ARHGAP15: variants seen among roughly 807,000 people sequenced by gnomAD.
ARHGAP15 encodes the protein Rho GTPase activating protein 15, also known as rho GTPase-activating protein 15.
In ARHGAP15, 51 loss-of-function variants were observed where a neutral mutation model predicts 63.7. That is an observed-to-expected ratio of 0.80 (90% CI 0.64 to 1.01). The LOEUF is 1.01. Ranked by LOEUF, ARHGAP15 falls within the 50% of genes least tolerant of loss-of-function variation. The pLI is 0.00. For synonymous variants in ARHGAP15, 191 were observed against 193.8 expected, an observed-to-expected ratio of 0.99 and a Z score of 0.12; for missense variants, 560 against 564.6, an observed-to-expected ratio of 0.99 and a Z score of 0.08.
chr2:143,664,837 G>A (rs1253511355), intron 12 of ARHGAP15, among the ~76,000 whole-genome samples: 9 of 152,130 alleles, frequency 5.9e-5, no homozygotes, highest in Admixed American at 1.3e-4. Context: ...TAAATTCCTC[G>A]ACACATACAC....
chr2:143,327,231 C>G (rs1224832973), intron 6 of ARHGAP15, among the ~76,000 whole-genome samples: 1 of 152,084 alleles, frequency 6.6e-6, no homozygotes, highest in Non-Finnish European at 1.5e-5. Flanking sequence ...TCAAGGAGAA[C>G]TATAAACCAC....
chr2:143,468,131 A>G (rs915101089), intron 8 of ARHGAP15, among the ~76,000 whole-genome samples: 1 of 151,872 alleles, frequency 6.6e-6, no homozygotes, highest in African/African-American at 2.4e-5. Flanking sequence ...TTTATATTTT[A>G]AGTACTTGTA....
chr2:143,671,118 T>G (rs1434330610), intron 12 of ARHGAP15, among the ~76,000 whole-genome samples: 2 of 152,200 alleles, frequency 1.3e-5, no homozygotes, highest in African/African-American at 2.4e-5. Flanking sequence ...TGAACAACAA[T>G]TGAACATTAG....
Position 143,423,343 on chromosome 2 carries a change from G to A in ARHGAP15, c.475-12258G>A, listed in dbSNP as rs1340305543. On this transcript the variant is annotated intron_variant, in intron 6 of 13. Transcript: ENST00000295095. Reference sequence around the variant, plus strand: ...TTTACTAGTATACCAAATAAAATCTGTTTTCTACATTTCATAAGCCTTTCA... The same window carrying A: ...TTTACTAGTATACCAAATAAAATCTATTTTCTACATTTCATAAGCCTTTCA... Among the ~76,000 whole-genome samples the A allele has an allele frequency of 8.4e-5, 4 of 47,828 alleles. 1 individual carries two copies. The highest frequency in any genetic ancestry group is 2.0e-3 in the South Asian group (2 of 1,018). 31.4% of individuals were successfully genotyped at this position (47,828 alleles called of 152,430 possible). A position where few individuals can be genotyped will look rare whatever the true frequency, so the allele number is the denominator to read the frequency against.
At chr2:143,228,472 T>C (rs1693306134) in intron 4 of ARHGAP15, 109 bp from the exon 5 acceptor site, 1 of 577,028 alleles carries the variant, frequency 1.7e-6, no homozygotes, top group African/African-American at 1.9e-5. Context: ...AGCAAGACTG[T>C]TAAAAATAAA....
chr2:143,700,711 C>T (rs754064895), intron 12 of ARHGAP15, among the ~76,000 whole-genome samples: 13 of 152,072 alleles, frequency 8.5e-5, no homozygotes, highest in South Asian at 2.1e-4. Flanking sequence ...TGTATACACA[C>T]GCATATATAC....
chr2:143,442,607 A>T (rs76821174), intron 8 of ARHGAP15, among the ~76,000 whole-genome samples: 3,454 of 152,274 alleles, frequency 0.023, 56 homozygotes, highest in Non-Finnish European at 0.038. Flanking sequence ...CAGCTTTTGT[A>T]GCATTAATGG....
At chr2:143,241,796 T>G (rs1175831294) in intron 5 of ARHGAP15, among the ~76,000 whole-genome samples, 1 of 152,090 alleles carries the variant, frequency 6.6e-6, no homozygotes, top group African/African-American at 2.4e-5. Flanking sequence ...GAGCCTGACT[T>G]TATCTGGGAG....
rs1553463637 is a variant in ARHGAP15, at chr2:143,320,412, C to CA, written c.474+69812_474+69813insA. On this transcript the variant is annotated intron_variant, in intron 6 of 13. Coordinates refer to ENST00000295095, the MANE Select transcript of ARHGAP15 (RefSeq NM_018460.4). ...GCCACAAATCAGGACTTCCCCACCC[C>CA]CCCCCCCCCCAGAGATCCTATGATA... Among the ~76,000 whole-genome samples the CA allele has an allele frequency of 1.3e-3, 68 of 50,994 alleles. 3 individuals carry two copies. The highest frequency in any genetic ancestry group is 3.1e-3 in the East Asian group (3 of 972). 33.5% of individuals were successfully genotyped at this position (50,994 alleles called of 152,430 possible). A position where few individuals can be genotyped will look rare whatever the true frequency, so the allele number is the denominator to read the frequency against.
At chr2:143,267,123 C>T (rs531343479) in intron 6 of ARHGAP15, among the ~76,000 whole-genome samples, 12 of 152,260 alleles carry the variant, frequency 7.9e-5, no homozygotes, top group African/African-American at 2.6e-4. Context: ...TGTACAGTGA[C>T]GACAGGAAGA....
At chr2:143,166,433 G>A (rs191184270) in intron 2 of ARHGAP15, among the ~76,000 whole-genome samples, 26 of 151,928 alleles carry the variant, frequency 1.7e-4, no homozygotes, top group African/African-American at 6.3e-4. Context: ...ATTTTTATTG[G>A]CACTAACAGT....
intron 12 of ARHGAP15, among the ~76,000 whole-genome samples, chr2:143,635,667 T>C (rs996887994): frequency 1.3e-5 from 2 of 152,076 alleles, no homozygotes; most frequent in African/African-American, 2.4e-5. Context: ...ACACTGAGAA[T>C]TGTCATGTGG....
At chr2:143,638,773 T>G (rs1680467705) in intron 12 of ARHGAP15, among the ~76,000 whole-genome samples, 2 of 151,308 alleles carry the variant, frequency 1.3e-5, no homozygotes, top group African/African-American at 2.4e-5. Context: ...TAGAAAGAAT[T>G]TGAATCACTA....
At chr2:143,746,137 A>G (rs1686154785) in intron 13 of ARHGAP15, among the ~76,000 whole-genome samples, 1 of 152,192 alleles carries the variant, frequency 6.6e-6, no homozygotes, top group African/African-American at 2.4e-5. Context: ...GATTATGTAG[A>G]AATTACCCGT....
At chr2:143,397,316 ATGTGTGTGTGTGTGTG>A (rs71411383) in intron 6 of ARHGAP15, among the ~76,000 whole-genome samples, 1 of 147,624 alleles carries the variant, frequency 6.8e-6, no homozygotes. Context: ...TGAGATATGT[ATGTGTGTGTGTGTGTG>A]TGTGTGTGTG....
intron 6 of ARHGAP15, among the ~76,000 whole-genome samples, chr2:143,273,160 T>C (rs1221645231): frequency 6.6e-6 from 1 of 152,022 alleles, no homozygotes; most frequent in African/African-American, 2.4e-5. Context: ...GAACACTATA[T>C]TATTTTAAAA....
chr2:143,210,186 G>A (rs1481974820), intron 3 of ARHGAP15, among the ~76,000 whole-genome samples: 1 of 152,122 alleles, frequency 6.6e-6, no homozygotes, highest in Non-Finnish European at 1.5e-5. Context: ...AGAAGAGAAA[G>A]CAATGGTGGG....
chr2:143,135,627 A>G (rs1259267723), intron 1 of ARHGAP15, among the ~76,000 whole-genome samples: 1 of 152,142 alleles, frequency 6.6e-6, no homozygotes, highest in East Asian at 1.9e-4. Context: ...CCATTTATGT[A>G]TCTTTATATT....
At chr2:143,680,021 T>TAAAA (rs55927433) in intron 12 of ARHGAP15, among the ~76,000 whole-genome samples, 2 of 101,584 alleles carry the variant, frequency 2.0e-5, no homozygotes, top group African/African-American at 9.0e-5. Flanking sequence ...AGTAAATGAT[T>TAAAA]AAAAAAAAAA....
Sources: allele counts gnomAD v4.1 joint callset (sites outside exome capture counted in the v4.1 genomes callset), GRCh38; gene constraint gnomAD v4.1.1; transcripts MANE v1.5; gene names NCBI Gene and HGNC (gene_info 2026-07-23, HGNC 2026-07-21).